PI4K2B: variants seen among roughly 807,000 people sequenced by gnomAD.
PI4K2B encodes phosphatidylinositol 4-kinase type 2 beta, also known as phosphatidylinositol 4-kinase type 2-beta.
A neutral mutation model predicts 56.6 loss-of-function variants in PI4K2B; 46 were observed. The ratio of observed to expected loss-of-function variants is 0.81; its 90% CI spans 0.64 to 1.04. PI4K2B has a LOEUF of 1.04. PI4K2B is among the 50% of genes least tolerant of loss of function. The pLI is 0.00. For missense variants in PI4K2B, 556 were observed against 607.7 expected, an observed-to-expected ratio of 0.91 and a Z score of 0.89; for synonymous variants, 211 against 223.8, an observed-to-expected ratio of 0.94 and a Z score of 0.51.
intron 1 of PI4K2B, among the ~76,000 whole-genome samples, chr4:25,240,002 A>G (rs189088643): frequency 4.5e-4 from 68 of 152,366 alleles, no homozygotes; most frequent in Non-Finnish European, 8.4e-4. Flanking sequence ...TTGGGGTTCC[A>G]TTTGTAAGAC....
In PI4K2B at chr4:25,260,611, T is replaced by TATAC. The variant is rs1716425099; in HGVS notation, c.978+23_978+24insCATA. On this transcript the variant is annotated intron_variant, in intron 6 of 9. Transcript: ENST00000264864. ...CATAAGGTAAGGAAATTTACAATTT[T>TATAC]ATATATATATATATATATATATATA... is the stretch of plus-strand genomic sequence containing the variant. 1 of 215,640 alleles carries TATAC rather than the reference T, an allele frequency of 4.6e-6. No homozygotes were observed. The highest frequency in any genetic ancestry group is 1.5e-4 in the South Asian group (1 of 6,862). 13.4% of individuals were successfully genotyped at this position (215,640 alleles called of 1,614,324 possible). A position where few individuals can be genotyped will look rare whatever the true frequency, so the allele number is the denominator to read the frequency against.
intron 9 of PI4K2B, among the ~76,000 whole-genome samples, chr4:25,270,884 G>C (rs1456518388): frequency 6.6e-6 from 1 of 152,174 alleles, no homozygotes; most frequent in Non-Finnish European, 1.5e-5. Context: ...ATTTAAGGTA[G>C]CTGTTTGCCA....
In PI4K2B at chr4:25,268,896, A is replaced by G. The variant is rs1371012165; in HGVS notation, c.1213-248A>G. ...ATGTTTTAGTTCTCTTAAAAAGCCT[A>G]AATTCATTGGCTGGAAAGTCATGTT... is the stretch of plus-strand genomic sequence containing the variant. On this transcript the variant is annotated intron_variant, in intron 8 of 9. Transcript: ENST00000264864. Among the ~76,000 whole-genome samples the G allele has an allele frequency of 2.6e-5, 4 of 152,220 alleles. No individual in the cohort carries two copies. In the South Asian group the frequency reaches 6.2e-4, roughly 24 times the overall value.
rs533544057 is a variant in PI4K2B at position 25,260,610 on chromosome 4, TTATATATA to T, written c.978+44_978+51del. On this transcript the variant is annotated intron_variant, in intron 6 of 9. Coordinates refer to ENST00000264864, the MANE Select transcript of PI4K2B (RefSeq NM_018323.4). ...CCATAAGGTAAGGAAATTTACAATT[TTATATATA>T]TATATATATATATATATATATATAC... The T allele has an allele frequency of 9.5e-4, 290 of 306,680 alleles. 2 individuals carry two copies. Among genetic ancestry groups the T allele is most frequent in the South Asian group, 3.0e-3 (35 of 11,776 alleles). The allele number at this position is 306,680 out of a possible 1,614,324, so 19.0% of individuals were successfully genotyped here. A position where few individuals can be genotyped will look rare whatever the true frequency, so the allele number is the denominator to read the frequency against.
At chr4:25,238,340 A>G (rs961884934) in intron 1 of PI4K2B, among the ~76,000 whole-genome samples, 4 of 152,230 alleles carry the variant, frequency 2.6e-5, no homozygotes, top group Non-Finnish European at 5.9e-5. Context: ...GCTGAACAAT[A>G]TCTGTGATTA....
At chr4:25,251,084 G>A (rs1048271803) in intron 1 of PI4K2B, among the ~76,000 whole-genome samples, 1 of 152,270 alleles carries the variant, frequency 6.6e-6, no homozygotes, top group East Asian at 1.9e-4. Context: ...TGGAGATGTT[G>A]AATACAGTTG....
At position 25,263,798 on chromosome 4, in the gene PI4K2B, A is replaced by T. The variant is rs749434996; in HGVS notation, c.1027A>T (p.Ile343Phe). The change falls in exon 7 of 10, where the codon ATT becomes TTT. Residue 343 changes from isoleucine (I) to phenylalanine (F), a missense_variant. By Grantham distance (21) the Ile-to-Phe change is conservative. Coordinates refer to ENST00000264864, the MANE Select transcript of PI4K2B (RefSeq NM_018323.4). ...AGAATTCCTTATTAAAATAGCTGCA[A>T]TTGATAATGGTCTAGCATTTCCTTT... The part of the protein sequence containing the change: ...DEEFLIKIAA[I>F]DNGLAFPFKH... The T allele has an allele frequency of 1.9e-6, 3 of 1,543,092 alleles. No individual in the cohort carries two copies. Among genetic ancestry groups the T allele is most frequent in the African/African-American group, 2.7e-5 (2 of 73,570 alleles).
At chr4:25,270,260 G>A (rs979333915) in intron 9 of PI4K2B, among the ~76,000 whole-genome samples, 5 of 152,068 alleles carry the variant, frequency 3.3e-5, no homozygotes, top group Non-Finnish European at 7.4e-5. Flanking sequence ...CCAAGATTGA[G>A]TATCAATTGT....
intron 1 of PI4K2B, among the ~76,000 whole-genome samples, chr4:25,238,456 T>C (rs184579120): frequency 6.6e-6 from 1 of 152,350 alleles, no homozygotes; most frequent in African/African-American, 2.4e-5. Context: ...GGTGGGTTCT[T>C]GGTCTCACTG....
chr4:25,260,247 G>A (rs1198440946), intron 5 of PI4K2B, among the ~76,000 whole-genome samples: 1 of 151,802 alleles, frequency 6.6e-6, no homozygotes, highest in Admixed American at 6.6e-5. Flanking sequence ...TTTAATAATT[G>A]TATCACCTCA....
chr4:25,252,123 G>T (rs952285581), intron 1 of PI4K2B, among the ~76,000 whole-genome samples, 198 bp from the exon 2 acceptor site: 1 of 151,466 alleles, frequency 6.6e-6, no homozygotes, highest in Non-Finnish European at 1.5e-5. Context: ...CACTGTGCCC[G>T]CCCCCGCCCC....
intron 7 of PI4K2B, among the ~76,000 whole-genome samples, chr4:25,264,592 C>T (rs1482588219): frequency 6.6e-6 from 1 of 152,088 alleles, no homozygotes; most frequent in African/African-American, 2.4e-5. Context: ...AATATATGGG[C>T]CAGGCATGGT....
intron 3 of PI4K2B, 57 bp from the exon 4 acceptor site, chr4:25,256,486 T>C (rs2109015616): frequency 1.3e-6 from 2 of 1,523,542 alleles, no homozygotes; most frequent in South Asian, 1.2e-5. Context: ...ATGGTGTATA[T>C]GAAAAGAGAT....
rs985810264 is a variant in PI4K2B, at chr4:25,243,052, C to T, written c.268+8621C>T. Reference sequence around the variant, plus strand: ...CCTGGTTACAGGCTGTCCCAGGATTCCTCAGATGGTAGTGGACCTTGAGGA... The same window carrying T: ...CCTGGTTACAGGCTGTCCCAGGATTTCTCAGATGGTAGTGGACCTTGAGGA... On this transcript the variant is annotated intron_variant, in intron 1 of 9. Transcript: ENST00000264864. Among the ~76,000 whole-genome samples the T allele has an allele frequency of 2.0e-5, 3 of 152,336 alleles. No homozygotes were observed. The South Asian group carries it at 6.2e-4, about 32-fold the overall frequency.
intron 2 of PI4K2B, among the ~76,000 whole-genome samples, chr4:25,254,099 A>G (rs1716166822): frequency 6.6e-6 from 1 of 152,170 alleles, no homozygotes; most frequent in Non-Finnish European, 1.5e-5. Flanking sequence ...AAATAGCTGG[A>G]AAAGAATTAG....
At chr4:25,237,591 C>G (rs1715321204) in intron 1 of PI4K2B, among the ~76,000 whole-genome samples, 1 of 152,218 alleles carries the variant, frequency 6.6e-6, no homozygotes. Flanking sequence ...GTCTCGAACT[C>G]CTGACCTCAG....
chr4:25,241,155 G>GA (rs1715504354), intron 1 of PI4K2B, among the ~76,000 whole-genome samples: 1 of 152,330 alleles, frequency 6.6e-6, no homozygotes, highest in South Asian at 2.1e-4. Flanking sequence ...TTGCAGCATG[G>GA]GCATGTAGGA....
intron 2 of PI4K2B, 127 bp downstream of exon 2, chr4:25,252,602 A>G: frequency 7.8e-6 from 6 of 765,104 alleles, no homozygotes; most frequent in Non-Finnish European, 1.3e-5. Context: ...TTTCCAAAAC[A>G]AAGGTCAGTT....
chr4:25,242,251 A>G (rs982134403), intron 1 of PI4K2B, among the ~76,000 whole-genome samples: 1 of 152,212 alleles, frequency 6.6e-6, no homozygotes, highest in Admixed American at 6.5e-5. Context: ...TGAGGCTTCC[A>G]AACTGGCAGC....
Sources: allele counts gnomAD v4.1 joint callset (sites outside exome capture counted in the v4.1 genomes callset), GRCh38; gene constraint gnomAD v4.1.1; transcripts MANE v1.5; gene names NCBI Gene and HGNC (gene_info 2026-07-23, HGNC 2026-07-21).